Variants in GFRA1 observed in about 807,000 individuals in gnomAD.
The protein encoded by GFRA1 is GDNF family receptor alpha 1.
GFRA1 carries 16 observed loss-of-function variants against 51.6 expected under a neutral mutation model. That is an observed-to-expected ratio of 0.31 (90% CI 0.21 to 0.47). The LOEUF (loss-of-function observed/expected upper bound fraction) is 0.47, where lower values mean the gene tolerates loss of function less well. GFRA1 is among the 20% of genes least tolerant of loss of function. GFRA1 has a pLI of 1.00. For missense variants in GFRA1, 530 were observed against 594.3 expected (o/e 0.89, Z 1.13); for synonymous variants, 270 against 241.3 (o/e 1.12, Z -1.10).
chr10:116,255,796 A>T (rs1968792189), intron 4 of GFRA1: 1 of 1,254,836 alleles, frequency 8.0e-7, no homozygotes, highest in Non-Finnish European at 1.0e-6. Flanking sequence ...CAGCTAGCAC[A>T]TTCCCTGGCA....
intron 4 of GFRA1, among the ~76,000 whole-genome samples, chr10:116,239,902 T>C (rs949669160): frequency 3.9e-5 from 6 of 152,164 alleles, no homozygotes; most frequent in Non-Finnish European, 5.9e-5. Context: ...ATGTTCACAA[T>C]AGCGCCCTGT....
chr10:116,083,051 A>C (rs1219333892), intron 9 of GFRA1, among the ~76,000 whole-genome samples: 1 of 152,224 alleles, frequency 6.6e-6, no homozygotes, highest in East Asian at 1.9e-4. Context: ...TTTACAGCAG[A>C]GATTCAGGGT....
chr10:116,119,930 G>A (rs1957575256), intron 6 of GFRA1, among the ~76,000 whole-genome samples: 1 of 152,382 alleles, frequency 6.6e-6, no homozygotes, highest in Non-Finnish European at 1.5e-5. Context: ...TGTGGCAAAT[G>A]TGGGGCTGAC....
chr10:116,217,865 T>A lies in GFRA1; in HGVS notation c.419-6220A>T, dbSNP rs535170093. ...TAACTGGTACCCAGAAAGTCTTCTA[T>A]AAATTATAGTATTATTATTCAAAAA... is the stretch of plus-strand genomic sequence containing the variant. On this transcript the variant is annotated intron_variant, in intron 4 of 10. Coordinates refer to ENST00000355422, the MANE Select transcript of GFRA1 (RefSeq NM_005264.8). Among the ~76,000 whole-genome samples, 13 of 152,330 alleles carry A rather than the reference T, an allele frequency of 8.5e-5. 1 individual carries two copies. In the East Asian group the frequency reaches 2.5e-3, roughly 29 times the overall value.
At chr10:116,214,834 G>T (rs1336584275) in intron 4 of GFRA1, among the ~76,000 whole-genome samples, 1 of 152,178 alleles carries the variant, frequency 6.6e-6, no homozygotes, top group Non-Finnish European at 1.5e-5. Flanking sequence ...GGAAATTCGG[G>T]CAGGGATTTA....
intron 7 of GFRA1, among the ~76,000 whole-genome samples, chr10:116,096,401 G>A (rs60153394): frequency 0.02 from 3,037 of 152,066 alleles, 60 homozygotes; most frequent in African/African-American, 0.049. Flanking sequence ...ACCCGTCTGC[G>A]CACTTGCAGC....
intron 4 of GFRA1, among the ~76,000 whole-genome samples, chr10:116,239,254 A>G (rs983834151): frequency 6.6e-6 from 1 of 152,278 alleles, no homozygotes; most frequent in African/African-American, 2.4e-5. Flanking sequence ...GTCAAAATAC[A>G]GATCATGATG....
Position 116,165,863 on chromosome 10 carries a change from T to G in GFRA1, c.434-40306A>C, listed in dbSNP as rs1589837994. Among the ~76,000 whole-genome samples the G allele has an allele frequency of 3.3e-5, 5 of 152,272 alleles. No homozygotes were observed. The Middle Eastern group carries it at 0.014, about 414-fold the overall frequency. On this transcript the variant is annotated intron_variant, in intron 5 of 10. Transcript: ENST00000355422. ...TTGTTACACAGATAAACTTGTGTCA[T>G]GGGGTTTGCTGTACAGATTATTTCA... is the stretch of plus-strand genomic sequence containing the variant.
intron 5 of GFRA1, among the ~76,000 whole-genome samples, chr10:116,166,737 C>A (rs1960455033): frequency 6.6e-6 from 1 of 150,862 alleles, no homozygotes; most frequent in African/African-American, 2.5e-5. Context: ...CTGATTCCAG[C>A]CAAAACATGG....
chr10:116,248,424 G>A (rs1439205003), intron 4 of GFRA1, among the ~76,000 whole-genome samples: 2 of 152,196 alleles, frequency 1.3e-5, no homozygotes, highest in African/African-American at 4.8e-5. Context: ...AGGAGAAGCA[G>A]CTGATCTCCA....
intron 10 of GFRA1, 29 bp from the exon 11 acceptor site, chr10:116,064,573 C>T: frequency 6.9e-6 from 11 of 1,591,912 alleles, no homozygotes; most frequent in Non-Finnish European, 9.5e-6. Context: ...TCATTATCAT[C>T]CACTGCATGT....
chr10:116,217,088 C>T (rs1211072243), intron 4 of GFRA1, among the ~76,000 whole-genome samples: 2 of 152,116 alleles, frequency 1.3e-5, no homozygotes, highest in African/African-American at 2.4e-5. Flanking sequence ...GTTGAGTACC[C>T]ACGGCACTCC....
intron 4 of GFRA1, among the ~76,000 whole-genome samples, chr10:116,263,005 C>G (rs1969404459): frequency 1.3e-5 from 2 of 152,132 alleles, no homozygotes; most frequent in Non-Finnish European, 2.9e-5. Flanking sequence ...AGCATAAGGA[C>G]AGGGGTCCAA....
chr10:116,058,522 T>C lies in GFRA1; in HGVS notation c.*5876A>G, dbSNP rs568140274. ...AAGGTGGGTGTGTTTGCCTTCTCTATCATGGAAGAGCTGGATTTGCCATTG... is the reference window on the plus strand; with the variant it reads ...AAGGTGGGTGTGTTTGCCTTCTCTACCATGGAAGAGCTGGATTTGCCATTG... On this transcript the variant is annotated 3_prime_UTR_variant, in exon 11 of 11. Transcript: ENST00000355422. The C allele has an allele frequency of 3.3e-5, 5 of 152,374 alleles. No individual in the cohort carries two copies. The South Asian group carries it at 1.0e-3, about 32-fold the overall frequency. The allele number at this position is 152,374 out of a possible 1,614,324, so 9.4% of individuals were successfully genotyped here.
At chr10:116,147,899 GT>G (rs1958878907) in intron 5 of GFRA1, among the ~76,000 whole-genome samples, 1 of 147,894 alleles carries the variant, frequency 6.8e-6, no homozygotes, top group Non-Finnish European at 1.5e-5. Context: ...AAAGCCGCAG[GT>G]GGCTTTTTTT....
intron 5 of GFRA1, among the ~76,000 whole-genome samples, chr10:116,148,782 A>C (rs1368272978): frequency 6.6e-6 from 1 of 152,192 alleles, no homozygotes; most frequent in African/African-American, 2.4e-5. Flanking sequence ...ATACAAGAAG[A>C]AGCTTATTCC....
At chr10:116,265,940 A>G (rs1969622370) in intron 4 of GFRA1, among the ~76,000 whole-genome samples, 1 of 152,136 alleles carries the variant, frequency 6.6e-6, no homozygotes, top group South Asian at 2.1e-4. Context: ...GTTTCTGGAA[A>G]GCAGCCCTCC....
chr10:116,259,535 A>G (rs971286900), intron 4 of GFRA1, among the ~76,000 whole-genome samples: 1 of 152,228 alleles, frequency 6.6e-6, no homozygotes, highest in Admixed American at 6.5e-5. Flanking sequence ...GTTGTCAATT[A>G]AGAACCCATC....
chr10:116,064,037 A>AATC lies in GFRA1; in HGVS notation c.*358_*360dup. 1 of 206,298 alleles carries AATC rather than the reference A, an allele frequency of 4.8e-6. No homozygotes were observed. Among genetic ancestry groups the AATC allele is most frequent in the Non-Finnish European group, 9.9e-6 (1 of 101,440 alleles). The allele number at this position is 206,298 out of a possible 1,614,324, so 12.8% of individuals were successfully genotyped here. On this transcript the variant is annotated 3_prime_UTR_variant, in exon 11 of 11. Transcript: ENST00000355422. ...GAAAGGCCAGAAGTAAAACTGTTAA[A>AATC]ATCATCATCATGATCATGATGATCA... is the stretch of plus-strand genomic sequence containing the variant.
Sources: allele counts gnomAD v4.1 joint callset (sites outside exome capture counted in the v4.1 genomes callset), GRCh38; gene constraint gnomAD v4.1.1; transcripts MANE v1.5; gene names NCBI Gene and HGNC (gene_info 2026-07-23, HGNC 2026-07-21).